RPS6KC1: variants seen among roughly 807,000 people sequenced by gnomAD.
RPS6KC1 encodes inactive ribosomal protein S6 kinase delta-1.
In RPS6KC1, 54 loss-of-function variants were observed where a neutral mutation model predicts 103.8. That is an observed-to-expected ratio of 0.52 (90% CI 0.42 to 0.65). The LOEUF (loss-of-function observed/expected upper bound fraction) is 0.65, where lower values mean the gene tolerates loss of function less well. RPS6KC1 is among the 30% of genes least tolerant of loss of function. The pLI is 0.00. For missense variants in RPS6KC1, 1,151 were observed against 1,253.8 expected (o/e 0.92, Z 1.24); for synonymous variants, 439 against 438.7 (o/e 1.00, Z -0.01).
At chr1:213,065,274 C>T (rs1282782081) in intron 1 of RPS6KC1, among the ~76,000 whole-genome samples, 1 of 152,056 alleles carries the variant, frequency 6.6e-6, no homozygotes, top group East Asian at 1.9e-4. Context: ...CGTGTCTGGC[C>T]CTTTGTGAAC....
the RPS6KC1 span, chr1:213,731,373 A>G: frequency 4.7e-4 from 72 of 152,290 alleles, no homozygotes; most frequent in African/African-American, 1.7e-3. Flanking sequence ...TTTCCTATCC[A>G]TGATCATGGA....
the RPS6KC1 span, among the ~76,000 whole-genome samples, chr1:213,640,950 C>G: frequency 2.0e-5 from 3 of 151,914 alleles, no homozygotes; most frequent in African/African-American, 7.2e-5. Flanking sequence ...ACTATGATTA[C>G]TAATTTGCTT....
the RPS6KC1 span, among the ~76,000 whole-genome samples, chr1:213,567,128 T>A: frequency 6.6e-6 from 1 of 152,218 alleles, no homozygotes; most frequent in Non-Finnish European, 1.5e-5. Flanking sequence ...AGAATATGCA[T>A]CTACAGTAAA....
chr1:213,471,337 A>G, the RPS6KC1 span, among the ~76,000 whole-genome samples: 1 of 152,208 alleles, frequency 6.6e-6, no homozygotes, highest in African/African-American at 2.4e-5. Context: ...AAAATTAGAA[A>G]CCAAAATCTG....
the RPS6KC1 span, among the ~76,000 whole-genome samples, chr1:213,286,951 A>G: frequency 2.6e-5 from 4 of 152,250 alleles, no homozygotes; most frequent in African/African-American, 4.8e-5. Flanking sequence ...GTGGGCAACT[A>G]TAGGACAAAT....
chr1:213,852,268 C>T, the RPS6KC1 span, among the ~76,000 whole-genome samples: 1 of 152,224 alleles, frequency 6.6e-6, no homozygotes, highest in Non-Finnish European at 1.5e-5. Flanking sequence ...TGCTCTAGAC[C>T]TTTCCCTTGC....
At chr1:213,178,717 AC>A (rs1015607733) in intron 8 of RPS6KC1, among the ~76,000 whole-genome samples, 1 of 151,410 alleles carries the variant, frequency 6.6e-6, no homozygotes, top group Non-Finnish European at 1.5e-5. Context: ...GTGACATTTA[AC>A]TTTTTTTTTT....
chr1:213,437,472 A>G, the RPS6KC1 span, among the ~76,000 whole-genome samples: 1 of 151,772 alleles, frequency 6.6e-6, no homozygotes, highest in Non-Finnish European at 1.5e-5. Flanking sequence ...TACTCTTGTG[A>G]TGTGCTTGTT....
the RPS6KC1 span, among the ~76,000 whole-genome samples, chr1:213,358,384 T>A: frequency 1.3e-5 from 2 of 152,346 alleles, no homozygotes; most frequent in African/African-American, 4.8e-5. Context: ...GTCAAGGAAT[T>A]TATCCATTTC....
the RPS6KC1 span, among the ~76,000 whole-genome samples, chr1:213,664,987 G>A: frequency 1.4e-3 from 216 of 152,248 alleles, 1 homozygote; most frequent in Middle Eastern, 3.4e-3. Flanking sequence ...ACTGGCTACC[G>A]TGGATTTTGT....
At chr1:213,269,270 G>A (rs1359074338) in intron 14 of RPS6KC1, among the ~76,000 whole-genome samples, 1 of 152,168 alleles carries the variant, frequency 6.6e-6, no homozygotes, top group East Asian at 1.9e-4. Flanking sequence ...AGTTACAAAT[G>A]TATATGCACT....
At chr1:213,581,654 G>C in the RPS6KC1 span, among the ~76,000 whole-genome samples, 4 of 152,064 alleles carry the variant, frequency 2.6e-5, no homozygotes, top group African/African-American at 9.6e-5. Context: ...CTAGAAAAGA[G>C]TGCAAGTGGG....
the RPS6KC1 span, among the ~76,000 whole-genome samples, chr1:213,554,737 A>G: frequency 3.3e-5 from 5 of 152,302 alleles, no homozygotes; most frequent in South Asian, 8.3e-4. Context: ...GATTATAAGT[A>G]CAGAAAAAAT....
the RPS6KC1 span, among the ~76,000 whole-genome samples, chr1:213,363,024 C>T: frequency 6.6e-6 from 1 of 152,188 alleles, no homozygotes; most frequent in Admixed American, 6.5e-5. Flanking sequence ...CCTGTTGGTT[C>T]TGTTTCTCTG....
chr1:213,486,677 C>T, the RPS6KC1 span, among the ~76,000 whole-genome samples: 41,389 of 152,086 alleles, frequency 0.27, 5,988 homozygotes, highest in Admixed American at 0.36. Flanking sequence ...CATAAGAGGC[C>T]ATGTCAGGAT....
the RPS6KC1 span, among the ~76,000 whole-genome samples, chr1:213,382,905 G>T: frequency 6.6e-6 from 1 of 152,214 alleles, no homozygotes; most frequent in African/African-American, 2.4e-5. Flanking sequence ...TTGAGTTGAG[G>T]CCATTTTGGT....
the RPS6KC1 span, among the ~76,000 whole-genome samples, chr1:213,397,000 T>G: frequency 6.6e-6 from 1 of 152,218 alleles, no homozygotes; most frequent in African/African-American, 2.4e-5. Context: ...CATAAAGCCC[T>G]TTCTAAATTC....
the RPS6KC1 span, among the ~76,000 whole-genome samples, chr1:213,524,178 C>T: frequency 6.6e-6 from 1 of 152,146 alleles, no homozygotes; most frequent in Admixed American, 6.5e-5. Flanking sequence ...CAACATAGCT[C>T]CACCATGATC....
the RPS6KC1 span, among the ~76,000 whole-genome samples, chr1:213,328,697 A>G: frequency 1.3e-5 from 2 of 151,526 alleles, no homozygotes; most frequent in Non-Finnish European, 2.9e-5. Flanking sequence ...CATTCTAGAC[A>G]GTGGGGGTTA....
Sources: gnomAD v4.1 joint callset for allele counts (sites outside exome capture counted in the v4.1 genomes callset) on GRCh38, gnomAD v4.1.1 for gene constraint, MANE v1.5 for transcripts, NCBI Gene and HGNC (gene_info 2026-07-23, HGNC 2026-07-21) for gene names.